The following TMEM273 variants were observed in gnomAD, a reference collection of about 807,000 sequenced individuals.
The protein encoded by TMEM273 is transmembrane protein 273.
A neutral mutation model predicts 17.9 loss-of-function variants in TMEM273; 19 were observed. The ratio of observed to expected loss-of-function variants is 1.06; its 90% CI spans 0.74 to 1.55. The LOEUF is 1.55. Ranked by LOEUF, TMEM273 falls within the 40% of genes most tolerant of loss-of-function variation. The pLI, the probability that TMEM273 is intolerant of heterozygous loss-of-function variation, is 0.00. For missense variants in TMEM273, 194 were observed against 155.6 expected (o/e 1.25, Z -1.31); for synonymous variants, 66 against 62.0 (o/e 1.07, Z -0.31).
chr10:49,187,215 C>T (rs1213459354), intron 1 of TMEM273, among the ~76,000 whole-genome samples: 1 of 152,176 alleles, frequency 6.6e-6, no homozygotes, highest in East Asian at 1.9e-4. Context: ...TTGCTGGTGC[C>T]TGACATCCCT....
At chr10:49,176,174 C>T (rs1362727286) in intron 1 of TMEM273, among the ~76,000 whole-genome samples, 1 of 152,162 alleles carries the variant, frequency 6.6e-6, no homozygotes, top group East Asian at 1.9e-4. Flanking sequence ...GAGGTGCAGG[C>T]AGCAGCTGCC....
At chr10:49,178,511 C>G (rs1847143862) in intron 1 of TMEM273, 1 of 325,646 alleles carries the variant, frequency 3.1e-6, no homozygotes, top group Non-Finnish European at 6.2e-6. Flanking sequence ...GGAGGCTGGA[C>G]AGTAACCTGA....
intron 1 of TMEM273, among the ~76,000 whole-genome samples, chr10:49,177,019 G>A (rs756239108): frequency 6.6e-6 from 1 of 152,194 alleles, no homozygotes; most frequent in Non-Finnish European, 1.5e-5. Flanking sequence ...TCCAGAGGGG[G>A]AGGTGCAGCC....
chr10:49,175,916 G>A (rs963037321), intron 1 of TMEM273, among the ~76,000 whole-genome samples: 5 of 152,154 alleles, frequency 3.3e-5, no homozygotes, highest in Admixed American at 1.3e-4. Context: ...ACACCCAGCC[G>A]ACCCTACTCA....
At chr10:49,180,913 G>A (rs1288182681) in intron 1 of TMEM273, among the ~76,000 whole-genome samples, 2 of 152,230 alleles carry the variant, frequency 1.3e-5, no homozygotes, top group African/African-American at 4.8e-5. Context: ...TAACGTTCTT[G>A]TCAGCCTAGT....
chr10:49,158,332 T>G (rs564802314), intron 6 of TMEM273, among the ~76,000 whole-genome samples: 65 of 152,300 alleles, frequency 4.3e-4, no homozygotes, highest in Non-Finnish European at 8.4e-4. Context: ...TTGTTTTTAT[T>G]TTCTTTGCTT....
chr10:49,173,395 C>T (rs1846715963), intron 1 of TMEM273, among the ~76,000 whole-genome samples: 2 of 152,208 alleles, frequency 1.3e-5, no homozygotes, highest in Admixed American at 1.3e-4. Context: ...TACCACACAG[C>T]CCCACACAAG....
chr10:49,164,342 T>A (rs1179049353), intron 5 of TMEM273, among the ~76,000 whole-genome samples: 5 of 152,196 alleles, frequency 3.3e-5, no homozygotes, highest in African/African-American at 1.2e-4. Flanking sequence ...TGTTCCCATC[T>A]TTCATTTTTT....
At chr10:49,168,808 G>A (rs1846369136) in intron 1 of TMEM273, among the ~76,000 whole-genome samples, 1 of 152,098 alleles carries the variant, frequency 6.6e-6, no homozygotes, top group Non-Finnish European at 1.5e-5. Context: ...CTTAAGACAG[G>A]AGATACTGCT....
intron 5 of TMEM273, among the ~76,000 whole-genome samples, chr10:49,163,134 G>A (rs1051816434): frequency 3.9e-5 from 6 of 152,188 alleles, no homozygotes; most frequent in Non-Finnish European, 7.3e-5. Flanking sequence ...TCTTAGGGCG[G>A]GGGGAAGGGA....
At chr10:49,166,675 T>G (rs999484350) in intron 3 of TMEM273, 194 bp downstream of exon 3, 19 of 711,348 alleles carry the variant, frequency 2.7e-5, no homozygotes, top group Non-Finnish European at 4.0e-5. Context: ...CAGAGAGAGA[T>G]AGAGACAGAA....
intron 6 of TMEM273, chr10:49,156,176 A>G: frequency 6.6e-7 from 1 of 1,504,068 alleles, no homozygotes; most frequent in South Asian, 1.2e-5. Flanking sequence ...CAAAAAGAGA[A>G]GTCATTCCTC....
intron 6 of TMEM273, 66 bp downstream of exon 6, chr10:49,161,533 T>A: frequency 1.9e-6 from 3 of 1,605,482 alleles, no homozygotes; most frequent in Non-Finnish European, 2.6e-6. Flanking sequence ...CGAAAACCCA[T>A]GCAGCCCCAT....
At chr10:49,168,028 T>C (rs1846311324) in intron 1 of TMEM273, 66 bp from the exon 2 acceptor site, 6 of 1,596,126 alleles carry the variant, frequency 3.8e-6, no homozygotes, top group Non-Finnish European at 5.1e-6. Context: ...CTACCCAGTC[T>C]CAGAGGCCTG....
chr10:49,176,581 T>A (rs1846986004), intron 1 of TMEM273, among the ~76,000 whole-genome samples: 2 of 152,214 alleles, frequency 1.3e-5, no homozygotes, highest in Admixed American at 6.5e-5. Flanking sequence ...GTGGGGTTAT[T>A]ATTATTCATG....
chr10:49,172,894 A>G (rs986060231), intron 1 of TMEM273, among the ~76,000 whole-genome samples: 10 of 152,240 alleles, frequency 6.6e-5, no homozygotes, highest in African/African-American at 2.4e-4. Context: ...TGACTCCCAC[A>G]GGGCTGGCTC....
intron 1 of TMEM273, among the ~76,000 whole-genome samples, chr10:49,168,283 C>T (rs926532645): frequency 6.6e-6 from 1 of 152,166 alleles, no homozygotes; most frequent in South Asian, 2.1e-4. Context: ...GGCTTTGGTG[C>T]TTCTAGTTCC....
chr10:49,175,318 A>G (rs1590229019), intron 1 of TMEM273, among the ~76,000 whole-genome samples: 1 of 152,052 alleles, frequency 6.6e-6, no homozygotes, highest in Non-Finnish European at 1.5e-5. Flanking sequence ...GTGCTTGGCC[A>G]CTCATATCTT....
At chr10:49,158,197 ATC>A (rs940562792) in intron 6 of TMEM273, among the ~76,000 whole-genome samples, 2 of 151,422 alleles carry the variant, frequency 1.3e-5, no homozygotes, top group African/African-American at 2.4e-5. Context: ...TGAAAAAATT[ATC>A]TCTTTTCCAT....
Sources: allele counts gnomAD v4.1 joint callset (sites outside exome capture counted in the v4.1 genomes callset), GRCh38; gene constraint gnomAD v4.1.1; transcripts MANE v1.5; gene names NCBI Gene and HGNC (gene_info 2026-07-23, HGNC 2026-07-21).